Variants in DAB1 observed in about 807,000 individuals in gnomAD.
DAB1 encodes DAB adaptor protein 1.
A neutral mutation model predicts 64.6 loss-of-function variants in DAB1; 15 were observed. That is an observed-to-expected ratio of 0.23 (90% confidence interval 0.16 to 0.36). DAB1 has a LOEUF of 0.36. DAB1 is among the 10% of genes least tolerant of loss of function. The pLI, the probability that DAB1 is intolerant of heterozygous loss-of-function variation, is 1.00. For missense variants in DAB1, 596 were observed against 706.7 expected (o/e 0.84, Z 1.78); for synonymous variants, 235 against 251.9 (o/e 0.93, Z 0.64).
chr1:58,241,752 C>T (rs958511354), intron 4 of DAB1, among the ~76,000 whole-genome samples: 5 of 151,878 alleles, frequency 3.3e-5, no homozygotes, highest in African/African-American at 1.2e-4. Flanking sequence ...CAGGAAAACA[C>T]AAAGTAAAAT....
intron 2 of DAB1, among the ~76,000 whole-genome samples, chr1:57,290,248 G>GAA (rs368971894): frequency 1.4e-5 from 2 of 142,834 alleles, no homozygotes; most frequent in African/African-American, 2.5e-5. Flanking sequence ...GTCAGTTCAG[G>GAA]AAAAAAAAAA....
At chr1:57,200,127 C>T (rs1664972082) in intron 2 of DAB1, among the ~76,000 whole-genome samples, 1 of 152,178 alleles carries the variant, frequency 6.6e-6, no homozygotes, top group African/African-American at 2.4e-5. Flanking sequence ...ATACTGTCCC[C>T]TCACTGGTCT....
At chr1:57,453,697 T>C (rs990190305) in intron 7 of DAB1, among the ~76,000 whole-genome samples, 1 of 152,186 alleles carries the variant, frequency 6.6e-6, no homozygotes, top group Non-Finnish European at 1.5e-5. Flanking sequence ...AACCATAAAT[T>C]ATGTGTTAGA....
Position 57,145,402 on chromosome 1 carries a change from A to G in DAB1, c.95T>C (p.Ile32Thr). The G allele has an allele frequency of 6.2e-7, 1 of 1,614,052 alleles. No individual in the cohort carries two copies. The highest frequency in any genetic ancestry group is 8.5e-7 in the Non-Finnish European group (1 of 1,179,942). ...GACCCCTTCACCTTTAAACCTCTTT[A>G]TCAAAGTGGCTTCACTGCGATCCTG... ...KGQDRSEATL[I>T]KRFKGEGVRY... The change falls in exon 3 of 15, where the codon ATA becomes ACA. Residue 32 changes from isoleucine to threonine, a missense_variant. Physicochemically the swap from Ile to Thr is moderately conservative, Grantham distance 89. Around this residue, in one of 3 missense-constraint regions of DAB1, gnomAD observed 43 missense variants for 39.6 expected, o/e 1.09. Transcript: ENST00000371236.
At chr1:57,754,328 C>T (rs1170303326) in intron 6 of DAB1, among the ~76,000 whole-genome samples, 2 of 152,164 alleles carry the variant, frequency 1.3e-5, no homozygotes, top group Non-Finnish European at 2.9e-5. Context: ...TAAAAGCAGC[C>T]AAATGTACTC....
At chr1:57,372,134 C>T (rs893177803) in intron 1 of DAB1, among the ~76,000 whole-genome samples, 5 of 152,124 alleles carry the variant, frequency 3.3e-5, no homozygotes, top group Admixed American at 1.3e-4. Context: ...TGGATTTGCA[C>T]GGAAATAATA....
chr1:57,070,311 G>A (rs1025024427), intron 7 of DAB1, among the ~76,000 whole-genome samples: 2 of 152,116 alleles, frequency 1.3e-5, no homozygotes, highest in African/African-American at 2.4e-5. Flanking sequence ...CATTTTTTGG[G>A]CTTCTTTTTC....
intron 1 of DAB1, among the ~76,000 whole-genome samples, chr1:57,337,684 G>C (rs942547222): frequency 4.6e-5 from 7 of 152,064 alleles, no homozygotes; most frequent in Non-Finnish European, 1.0e-4. Flanking sequence ...AGCGGCGCCT[G>C]GTGAGAGAGC....
intron 1 of DAB1, among the ~76,000 whole-genome samples, chr1:57,871,295 T>C (rs1396382246): frequency 1.3e-5 from 2 of 152,160 alleles, no homozygotes; most frequent in Non-Finnish European, 2.9e-5. Context: ...GTAATAATAG[T>C]TTCATGGGTA....
intron 4 of DAB1, among the ~76,000 whole-genome samples, chr1:58,169,510 C>G (rs996523548): frequency 6.6e-6 from 1 of 152,158 alleles, no homozygotes; most frequent in Non-Finnish European, 1.5e-5. Flanking sequence ...TCATTATTCT[C>G]TCTCTGATGG....
chr1:57,213,513 T>C (rs1004826104), intron 2 of DAB1, among the ~76,000 whole-genome samples: 1 of 152,158 alleles, frequency 6.6e-6, no homozygotes, highest in African/African-American at 2.4e-5. Flanking sequence ...CAAAAAACAC[T>C]TTCCCTACAG....
chr1:57,685,550 C>T (rs1196250302), intron 6 of DAB1, among the ~76,000 whole-genome samples: 1 of 152,156 alleles, frequency 6.6e-6, no homozygotes, highest in Admixed American at 6.5e-5. Context: ...TGACACTAGA[C>T]CAATTGGACC....
intron 1 of DAB1, among the ~76,000 whole-genome samples, chr1:58,531,063 A>G (rs186269062): frequency 5.6e-4 from 86 of 152,344 alleles, no homozygotes; most frequent in African/African-American, 2.0e-3. Flanking sequence ...ACTGAGATAG[A>G]GAGAGGTTAA....
chr1:57,928,048 A>C (rs1418004372), intron 5 of DAB1, among the ~76,000 whole-genome samples: 6 of 152,210 alleles, frequency 3.9e-5, no homozygotes, highest in Non-Finnish European at 7.3e-5. Flanking sequence ...CTGGAGTTCA[A>C]CATTTGTTTC....
intron 3 of DAB1, among the ~76,000 whole-genome samples, chr1:58,374,077 A>C (rs7527581): frequency 3.6e-5 from 1 of 28,018 alleles, no homozygotes; most frequent in South Asian, 1.6e-3. Context: ...TTCTGGATAT[A>C]CGCCCTTTGT....
At chr1:58,530,542 A>T (rs751350659) in intron 1 of DAB1, 2 of 796,704 alleles carry the variant, frequency 2.5e-6, no homozygotes, top group African/African-American at 3.4e-5. Flanking sequence ...GCTTTACAGT[A>T]GTATTAAAAT....
Position 57,110,811 on chromosome 1 carries a change from T to C in DAB1, c.306+25732A>G, listed in dbSNP as rs567031923. Among the ~76,000 whole-genome samples, 8 of 152,270 alleles carry C rather than the reference T, an allele frequency of 5.3e-5. No homozygotes were observed. The South Asian group carries it at 1.5e-3, about 28-fold the overall frequency. The stretch of plus-strand genomic sequence containing the variant: ...GAATAACCCTATGCTACAGGCACTA[T>C]AGCTATGCCCACTCGCAGATGACAA... On this transcript the variant is annotated intron_variant, in intron 4 of 14. Coordinates refer to ENST00000371236, the MANE Select transcript of DAB1 (RefSeq NM_001365792.1).
At chr1:56,999,048 GC>G (rs1645743817) in intron 14 of DAB1, among the ~76,000 whole-genome samples, 1 of 152,132 alleles carries the variant, frequency 6.6e-6, no homozygotes, top group Non-Finnish European at 1.5e-5. Context: ...AATTAAACGG[GC>G]ACAATGAAAT....
rs1270900790 is a variant in DAB1 at position 58,523,765 on chromosome 1, G to C, written n.107+3496C>G. 3.9e-5 allele frequency among the ~76,000 whole-genome samples: 6 copies of C among 152,144 alleles called. No individual in the cohort carries two copies. In the East Asian group the frequency reaches 9.6e-4, roughly 24 times the overall value. On this transcript the variant is annotated intron_variant and non_coding_transcript_variant, in intron 2 of 20. Transcript: ENST00000485760. ...ACACAAAAAATTAGCCGGGCATGGT[G>C]GTGGGTGCCTGTAATTCCAGCTACT...
Sources: allele counts gnomAD v4.1 joint callset (sites outside exome capture counted in the v4.1 genomes callset), GRCh38; gene constraint gnomAD v4.1.1; regional missense constraint gnomAD v4.1.1; transcripts MANE v1.5; gene names NCBI Gene and HGNC (gene_info 2026-07-23, HGNC 2026-07-21).